Variants in INPP4B observed in about 807,000 individuals in gnomAD.
INPP4B encodes inositol polyphosphate 4-phosphatase type II.
INPP4B carries 55 observed loss-of-function variants against 122.5 expected under a neutral mutation model. The ratio of observed to expected loss-of-function variants is 0.45; its 90% CI spans 0.36 to 0.56. The LOEUF is 0.56. INPP4B is among the 20% of genes least tolerant of loss of function. The pLI is 0.00. For missense variants in INPP4B, 1,000 were observed against 1,097.7 expected, an observed-to-expected ratio of 0.91 and a Z score of 1.26; for synonymous variants, 403 against 388.7, an observed-to-expected ratio of 1.04 and a Z score of -0.43.
chr4:142,525,337 C>G (rs1358003730), intron 2 of INPP4B, among the ~76,000 whole-genome samples: 1 of 146,906 alleles, frequency 6.8e-6, no homozygotes, highest in East Asian at 2.0e-4. Context: ...AGATTCAATG[C>G]CATCCCCATC....
chr4:142,116,100 A>G (rs1793190123), intron 21 of INPP4B, among the ~76,000 whole-genome samples: 1 of 152,206 alleles, frequency 6.6e-6, no homozygotes, highest in Non-Finnish European at 1.5e-5. Flanking sequence ...TCAATTCAAC[A>G]CGAAGAGCTA....
intron 2 of INPP4B, among the ~76,000 whole-genome samples, chr4:142,500,668 T>C (rs1013471032): frequency 1.3e-5 from 2 of 152,160 alleles, no homozygotes; most frequent in Non-Finnish European, 2.9e-5. Context: ...GCAATGAACA[T>C]GGGACTGCTA....
At chr4:142,406,145 CT>C (rs1181883874) in intron 5 of INPP4B, among the ~76,000 whole-genome samples, 1 of 152,148 alleles carries the variant, frequency 6.6e-6, no homozygotes, top group Non-Finnish European at 1.5e-5. Context: ...CGCCTCCCAC[CT>C]TTGAAATAAT....
At chr4:142,423,602 C>T in intron 5 of INPP4B, 1 of 199,014 alleles carries the variant, frequency 5.0e-6, no homozygotes, top group South Asian at 7.5e-5. Context: ...TTGAATTAAC[C>T]TACCTAAGGA....
intron 1 of INPP4B, among the ~76,000 whole-genome samples, chr4:142,830,913 T>C (rs1039404970): frequency 6.7e-6 from 1 of 148,564 alleles, no homozygotes; most frequent in Non-Finnish European, 1.5e-5. Flanking sequence ...TCCCAGCTAC[T>C]AGGGAGGCTG....
At chr4:142,246,538 A>G (rs1728943451) in intron 11 of INPP4B, among the ~76,000 whole-genome samples, 1 of 151,862 alleles carries the variant, frequency 6.6e-6, no homozygotes, top group Admixed American at 6.6e-5. Context: ...ATTCCTAGGT[A>G]TTTTATTCTC....
intron 2 of INPP4B, among the ~76,000 whole-genome samples, chr4:142,507,093 AATG>A (rs1304964579): frequency 6.6e-6 from 1 of 152,164 alleles, no homozygotes; most frequent in Non-Finnish European, 1.5e-5. Context: ...TGTCTTTGAT[AATG>A]TCTCCAGATG....
intron 25 of INPP4B, among the ~76,000 whole-genome samples, chr4:142,039,137 C>T (rs1269780398): frequency 6.6e-6 from 1 of 152,056 alleles, no homozygotes; most frequent in East Asian, 1.9e-4. Flanking sequence ...ATTCTTTGAT[C>T]CTATGAAAAC....
At chr4:142,470,409 G>C (rs1322773004) in intron 2 of INPP4B, among the ~76,000 whole-genome samples, 1 of 152,110 alleles carries the variant, frequency 6.6e-6, no homozygotes, top group African/African-American at 2.4e-5. Context: ...TGGCAAAGAA[G>C]AAAAAGTTCA....
intron 1 of INPP4B, among the ~76,000 whole-genome samples, chr4:142,819,785 C>T (rs377097104): frequency 2.0e-5 from 3 of 152,166 alleles, no homozygotes; most frequent in East Asian, 3.9e-4. Flanking sequence ...CACACACACA[C>T]GCGCACACAC....
At chr4:142,349,673 A>G (rs922167910) in intron 7 of INPP4B, among the ~76,000 whole-genome samples, 2 of 152,032 alleles carry the variant, frequency 1.3e-5, no homozygotes, top group Non-Finnish European at 2.9e-5. Context: ...TCTCTTTGAA[A>G]CAGAAATTTT....
intron 1 of INPP4B, among the ~76,000 whole-genome samples, chr4:142,765,230 C>G (rs1771936431): frequency 6.6e-6 from 1 of 152,068 alleles, no homozygotes; most frequent in Non-Finnish European, 1.5e-5. Flanking sequence ...GATATTGAAG[C>G]TTTTAAAAGA....
chr4:142,643,423 C>T (rs1480704887), intron 2 of INPP4B, among the ~76,000 whole-genome samples: 2 of 151,942 alleles, frequency 1.3e-5, no homozygotes, highest in African/African-American at 4.8e-5. Context: ...GTGAATAAAA[C>T]AAAGTAATGG....
chr4:142,273,118 T>G (rs1482730438), intron 9 of INPP4B, among the ~76,000 whole-genome samples: 3 of 151,998 alleles, frequency 2.0e-5, no homozygotes, highest in African/African-American at 7.2e-5. Context: ...AATCTTTGAT[T>G]TTCTTATTTG....
chr4:142,273,966 C>A (rs1186991479), intron 9 of INPP4B, among the ~76,000 whole-genome samples: 1 of 151,816 alleles, frequency 6.6e-6, no homozygotes, highest in Non-Finnish European at 1.5e-5. Context: ...ATTTACCATA[C>A]AAAGAATACA....
chr4:142,488,918 T>C (rs1821514796), intron 2 of INPP4B, among the ~76,000 whole-genome samples: 2 of 152,110 alleles, frequency 1.3e-5, no homozygotes, highest in Admixed American at 6.6e-5. Context: ...TTACTCTCCC[T>C]TTTCAAGCCT....
intron 7 of INPP4B, among the ~76,000 whole-genome samples, chr4:142,377,867 G>A (rs937935833): frequency 3.3e-5 from 5 of 152,122 alleles, no homozygotes; most frequent in Non-Finnish European, 5.9e-5. Context: ...TCTGCACCCA[G>A]CCACAAGTCC....
At chr4:142,029,326 T>TTAAG in intron 25 of INPP4B, 5 of 985,544 alleles carry the variant, frequency 5.1e-6, no homozygotes, top group Admixed American at 6.0e-5. Context: ...ATTTAATTTA[T>TTAAG]TAAGTCTGGC....
chr4:142,351,427 C>T (rs1781899964), intron 7 of INPP4B, among the ~76,000 whole-genome samples: 1 of 151,930 alleles, frequency 6.6e-6, no homozygotes, highest in Admixed American at 6.6e-5. Context: ...TATCTATGTT[C>T]AAATAACTGG....
Sources: allele counts gnomAD v4.1 joint callset (sites outside exome capture counted in the v4.1 genomes callset), GRCh38; gene constraint gnomAD v4.1.1; transcripts MANE v1.5; gene names NCBI Gene and HGNC (gene_info 2026-07-23, HGNC 2026-07-21).